Variants in ANK3 observed in about 807,000 individuals in gnomAD.
The protein encoded by ANK3 is ankyrin-3.
ANK3 carries 57 observed loss-of-function variants against 370.9 expected under a neutral mutation model. The ratio of observed to expected loss-of-function variants is 0.15; its 90% CI spans 0.12 to 0.19. The LOEUF (loss-of-function observed/expected upper bound fraction) is 0.19. ANK3 is among the 10% of genes least tolerant of loss of function. The pLI, the probability that ANK3 is intolerant of heterozygous loss-of-function variation, is 1.00. For synonymous variants in ANK3, 1,929 were observed against 1,946.3 expected, an observed-to-expected ratio of 0.99 and a Z score of 0.23; for missense variants, 4,439 against 5,302.1, an observed-to-expected ratio of 0.84 and a Z score of 5.06.
intron 35 of ANK3, chr10:60,081,741 G>A (rs1261254970): frequency 1.0e-5 from 3 of 291,058 alleles, no homozygotes; most frequent in Non-Finnish European, 2.0e-5. Context: ...ATGTCTATTT[G>A]GCGGGTTCGA....
At chr10:60,489,376 G>A (rs1006845525) in intron 2 of ANK3, among the ~76,000 whole-genome samples, 2 of 152,110 alleles carry the variant, frequency 1.3e-5, no homozygotes, top group Non-Finnish European at 2.9e-5. Context: ...TACATGTTAT[G>A]TATTACATTA....
chr10:60,132,291 G>A (rs1193242120), intron 25 of ANK3, among the ~76,000 whole-genome samples: 1 of 152,104 alleles, frequency 6.6e-6, no homozygotes, highest in African/African-American at 2.4e-5. Context: ...ATCTCATCTT[G>A]AATTGTAGCT....
intron 4 of ANK3, among the ~76,000 whole-genome samples, chr10:60,277,535 T>C (rs931792414): frequency 2.6e-5 from 4 of 152,224 alleles, no homozygotes; most frequent in African/African-American, 9.6e-5. Context: ...AAAAAGACCA[T>C]CTTTTGGAAG....
At chr10:60,252,444 T>A (rs1186077690) in intron 7 of ANK3, among the ~76,000 whole-genome samples, 2 of 152,186 alleles carry the variant, frequency 1.3e-5, no homozygotes, top group Non-Finnish European at 2.9e-5. Context: ...ATAATTCTCT[T>A]TTAAAGTGCA....
rs545745598 is a variant in ANK3 at position 60,269,739 on chromosome 10, A to C, written c.513+392T>G. Among the ~76,000 whole-genome samples the C allele has an allele frequency of 2.0e-5, 3 of 151,322 alleles. No homozygotes were observed. In the Admixed American group the frequency reaches 2.0e-4, roughly 10 times the overall value. On this transcript the variant is annotated intron_variant, in intron 5 of 43. Transcript: ENST00000280772. ...AAATACAAATTCAATCATTATAATT[A>C]GGTAAACTTAAATTTGGAAAAACAA...
At position 60,059,435 on chromosome 10, in the gene ANK3, A is replaced by G; in HGVS notation, c.12596-5T>C. ...TTGATGTCTCATTCTGCCAACCTGTAATTGAAGACATTTCCAGTTCTGCTT... is the reference window on the plus strand; with the variant it reads ...TTGATGTCTCATTCTGCCAACCTGTGATTGAAGACATTTCCAGTTCTGCTT... On this transcript the variant is annotated splice_region_variant and splice_polypyrimidine_tract_variant and intron_variant, in intron 40 of 43. Coordinates refer to ENST00000280772, the MANE Select transcript of ANK3 (RefSeq NM_020987.5). The G allele has an allele frequency of 6.2e-7, 1 of 1,612,314 alleles. No individual in the cohort carries two copies. The highest frequency in any genetic ancestry group is 8.5e-7 in the Non-Finnish European group (1 of 1,178,446).
At chr10:60,030,637 C>T (rs1386493430) in intron 43 of ANK3, among the ~76,000 whole-genome samples, 1 of 152,148 alleles carries the variant, frequency 6.6e-6, no homozygotes, top group Admixed American at 6.5e-5. Context: ...GCCTTGGCGT[C>T]ACCCCATTGC....
chr10:60,318,334 A>G (rs1352056605), intron 1 of ANK3, among the ~76,000 whole-genome samples: 1 of 152,198 alleles, frequency 6.6e-6, no homozygotes, highest in Non-Finnish European at 1.5e-5. Context: ...TTAACAGTTC[A>G]CAGTGCATTT....
intron 1 of ANK3, among the ~76,000 whole-genome samples, chr10:60,375,934 G>A (rs2060712771): frequency 6.6e-6 from 1 of 152,210 alleles, no homozygotes; most frequent in African/African-American, 2.4e-5. Flanking sequence ...GAGTGGGGAA[G>A]TGGGAGGAAT....
chr10:60,302,677 A>T (rs1415040126), intron 1 of ANK3, among the ~76,000 whole-genome samples: 1 of 152,202 alleles, frequency 6.6e-6, no homozygotes, highest in African/African-American at 2.4e-5. Flanking sequence ...TAGTAAACGT[A>T]TGTCTTCTTG....
chr10:60,266,991 A>T (rs1465784381), intron 5 of ANK3, among the ~76,000 whole-genome samples: 1 of 152,128 alleles, frequency 6.6e-6, no homozygotes, highest in Non-Finnish European at 1.5e-5. Flanking sequence ...TTATATATAG[A>T]GAGAAAAGAT....
At chr10:60,502,202 C>T (rs188414893) in intron 2 of ANK3, among the ~76,000 whole-genome samples, 3 of 152,284 alleles carry the variant, frequency 2.0e-5, no homozygotes, top group Non-Finnish European at 4.4e-5. Flanking sequence ...GCTACAGGGA[C>T]AGTTCATGTA....
Position 60,557,007 on chromosome 10 carries a change from G to A in ANK3, c.96+58179C>T, listed in dbSNP as rs150338809. 2.3e-3 allele frequency among the ~76,000 whole-genome samples: 348 copies of A among 152,288 alleles called. 3 individuals are homozygous for A. Among genetic ancestry groups the A allele is most frequent in the African/African-American group, 7.8e-3 (326 of 41,554 alleles). On this transcript the variant is annotated intron_variant, in intron 2 of 43. Coordinates refer to the ANK3 transcript ENST00000373827. Reference sequence around the variant, plus strand: ...AATCTAATGCCTGATGATCTGAGGTGGAACAGTTTCTTCCCAAAGCCATCC... The same window carrying A: ...AATCTAATGCCTGATGATCTGAGGTAGAACAGTTTCTTCCCAAAGCCATCC...
In ANK3 at chr10:60,069,495, T is replaced by A. The variant is rs1357701203; in HGVS notation, c.11386A>T (p.Thr3796Ser). 2 of 1,614,038 alleles carry A rather than the reference T, an allele frequency of 1.2e-6. No individual in the cohort carries two copies. Among genetic ancestry groups the A allele is most frequent in the Non-Finnish European group, 1.7e-6 (2 of 1,179,976 alleles). Residue 3796 changes from threonine (T) to serine (S), a missense_variant, in exon 37 of 44, where the codon ACT (threonine) becomes TCT (serine). Thr to Ser is a moderately conservative substitution (Grantham distance 58). Transcript: ENST00000280772. Reference sequence around the variant, plus strand: ...CTCATAATGTTATCTGTCTGTATAGTGGAAGAATCCAAATTGTTGTTGTTA... The same window carrying A: ...CTCATAATGTTATCTGTCTGTATAGAGGAAGAATCCAAATTGTTGTTGTTA... ...FNNNNNLDSS[T>S]IQTDNIMSNI... is the part of the protein sequence containing the mutation.
Position 60,026,708 on chromosome 10 carries a change from A to G in ANK3, c.*3138T>C, listed in dbSNP as rs2072421331. 6.6e-6 allele frequency: 1 copy of G among 152,370 alleles called. No homozygotes were observed. The highest frequency in any genetic ancestry group is 1.9e-4 in the East Asian group (1 of 5,192). 9.4% of individuals were successfully genotyped at this position (152,370 alleles called of 1,614,324 possible). A position where few individuals can be genotyped will look rare whatever the true frequency, so the allele number is the denominator to read the frequency against. ...AGGAGGCTAGCTGCTTATGTGTTCAATGAAGTAATAGATGCCTCTTAAAGT... is the reference window on the plus strand; with the variant it reads ...AGGAGGCTAGCTGCTTATGTGTTCAGTGAAGTAATAGATGCCTCTTAAAGT... On this transcript the variant is annotated 3_prime_UTR_variant, in exon 44 of 44. Coordinates refer to ENST00000280772, the MANE Select transcript of ANK3 (RefSeq NM_020987.5).
Position 60,069,836 on chromosome 10 carries a change from G to A in ANK3, c.11045C>T (p.Pro3682Leu). The change falls in exon 37 of 44, where the codon CCT becomes CTT. Residue 3682 changes from proline to leucine, a missense_variant. This residue lies in a region of ANK3 where 496 missense variants were observed against 529.3 expected (regional missense o/e 0.94). Coordinates refer to ENST00000280772, the MANE Select transcript of ANK3 (RefSeq NM_020987.5). The part of the protein sequence containing the change: ...ERNVETPTVE[P>L]NPSIPTSGEC... The stretch of plus-strand genomic sequence containing the variant: ...TCCGCTGGTCGGGATGCTGGGGTTA[G>A]GTTCCACTGTAGGTGTCTCTACATT... 6.2e-7 allele frequency: 1 copy of A among 1,614,094 alleles called. No homozygotes were observed.
At chr10:60,527,244 T>C (rs1269007023) in intron 2 of ANK3, among the ~76,000 whole-genome samples, 1 of 152,128 alleles carries the variant, frequency 6.6e-6, no homozygotes, top group Non-Finnish European at 1.5e-5. Context: ...TCTGGATTCT[T>C]CAAAGCTCCC....
At chr10:60,285,539 T>G (rs2098231533) in intron 1 of ANK3, among the ~76,000 whole-genome samples, 1 of 152,138 alleles carries the variant, frequency 6.6e-6, no homozygotes, top group Admixed American at 6.5e-5. Flanking sequence ...CGAGCTTTTC[T>G]TCTGTCATCT....
chr10:60,427,583 A>G (rs2063917368), intron 2 of ANK3, among the ~76,000 whole-genome samples: 1 of 152,156 alleles, frequency 6.6e-6, no homozygotes, highest in African/African-American at 2.4e-5. Flanking sequence ...GGCACATATC[A>G]GAATCAAGTT....
Sources: allele counts gnomAD v4.1 joint callset (sites outside exome capture counted in the v4.1 genomes callset), GRCh38; gene constraint gnomAD v4.1.1; regional missense constraint gnomAD v4.1.1; transcripts MANE v1.5; gene names NCBI Gene and HGNC (gene_info 2026-07-23, HGNC 2026-07-21).